The following ZNF550 variants were observed in gnomAD, a reference collection of about 807,000 sequenced individuals.
The protein encoded by ZNF550 is zinc finger protein 550.
In ZNF550, 42 loss-of-function variants were observed where a neutral mutation model predicts 40.2. The ratio of observed to expected loss-of-function variants is 1.05; its 90% CI spans 0.82 to 1.35. The LOEUF (loss-of-function observed/expected upper bound fraction) is 1.35, where lower values mean the gene tolerates loss of function less well. Ranked by LOEUF, ZNF550 falls within the 40% of genes most tolerant of loss-of-function variation. The probability of loss-of-function intolerance (pLI) is 0.00; values close to 1 mark genes in which losing one functional copy is unlikely to be tolerated. For missense variants in ZNF550, 549 were observed against 525.2 expected (o/e 1.05, Z -0.44); for synonymous variants, 223 against 198.6 (o/e 1.12, Z -1.03).
chr19:57,547,438 T>C, exon 4 of ZNF550: 1 of 1,613,956 alleles, frequency 6.2e-7, no homozygotes, highest in Non-Finnish European at 8.5e-7. Context: ...CGACCTGCGT[T>C]TGAAGGCCTT....
exon 4 of ZNF550, chr19:57,546,528 T>C (rs570235802): frequency 3.0e-6 from 3 of 991,740 alleles, no homozygotes; most frequent in South Asian, 9.1e-5. Flanking sequence ...TGGCTCTTTA[T>C]AGGACAAGCA....
chr19:57,552,312 A>C, intron 3 of ZNF550: 3 of 422,326 alleles, frequency 7.1e-6, no homozygotes, highest in Non-Finnish European at 1.3e-5. Context: ...GTTCTTGTCA[A>C]GACTATGTGG....
chr19:57,558,961 G>C (rs964798937), intron 1 of ZNF550, among the ~76,000 whole-genome samples: 29 of 152,154 alleles, frequency 1.9e-4, no homozygotes, highest in African/African-American at 5.8e-4. Context: ...GCAACCCAGC[G>C]TCCCTTGCCC....
chr19:57,556,644 A>C (rs1179312259), intron 1 of ZNF550: 1 of 292,634 alleles, frequency 3.4e-6, no homozygotes, highest in Admixed American at 4.8e-5. Context: ...CTGGCATATT[A>C]AAAGAATGGA....
chr19:57,552,374 C>G (rs1324267962), intron 3 of ZNF550: 27 of 477,730 alleles, frequency 5.7e-5, no homozygotes, highest in Non-Finnish European at 3.7e-6. Flanking sequence ...TTCTTGTTCC[C>G]CTTCTACCAG....
At position 57,543,238 on chromosome 19, in the gene ZNF550, G is replaced by A. The variant is rs148458185; in HGVS notation, c.*524C>T. The A allele has an allele frequency of 2.7e-4, 255 of 951,424 alleles. No individual in the cohort carries two copies. In the African/African-American group the frequency reaches 4.4e-3, roughly 16 times the overall value. 58.9% of individuals were successfully genotyped at this position (951,424 alleles called of 1,614,324 possible). Reference sequence around the variant, plus strand: ...AAATTTCTCTTTTCAACCTTAAGCAGTTTTTCTGAAATTATAAAATTTACT... The same window carrying A: ...AAATTTCTCTTTTCAACCTTAAGCAATTTTTCTGAAATTATAAAATTTACT... On this transcript the variant is annotated 3_prime_UTR_variant, in exon 5 of 5. Coordinates refer to ENST00000457177, the Ensembl canonical transcript of ZNF550.
intron 1 of ZNF550, 133 bp from the exon 2 acceptor site, chr19:57,556,490 C>T (rs921329210): frequency 2.3e-5 from 27 of 1,166,524 alleles, no homozygotes; most frequent in Non-Finnish European, 2.7e-5. Flanking sequence ...GGCTGACTTC[C>T]GTGCAGGGCT....
chr19:57,543,753 T>G (rs2089982640), intron 4 of ZNF550: 2 of 446,334 alleles, frequency 4.5e-6, no homozygotes, highest in African/African-American at 4.3e-5. Flanking sequence ...CTGGCCAACA[T>G]GGTGAAACCC....
exon 5 of ZNF550, chr19:57,542,153 AC>A (rs2089965424): frequency 6.6e-6 from 1 of 151,982 alleles, no homozygotes; most frequent in Non-Finnish European, 1.5e-5. Context: ...TATGAGAAAT[AC>A]CAGATATATT....
intron 3 of ZNF550, among the ~76,000 whole-genome samples, chr19:57,550,856 T>C (rs1303957304): frequency 6.6e-6 from 1 of 152,194 alleles, no homozygotes; most frequent in Non-Finnish European, 1.5e-5. Context: ...CTTCCAAACA[T>C]GAGACAACTC....
At chr19:57,551,353 T>C (rs532149079) in intron 3 of ZNF550, among the ~76,000 whole-genome samples, 1 of 152,166 alleles carries the variant, frequency 6.6e-6, no homozygotes, top group East Asian at 1.9e-4. Flanking sequence ...CCCAGAGGAA[T>C]GGGGCAGATG....
At chr19:57,547,745 C>A (rs1262960954) in exon 4 of ZNF550, 1 of 1,614,120 alleles carries the variant, frequency 6.2e-7, no homozygotes, top group Admixed American at 1.7e-5. Context: ...GAGTGCAGAC[C>A]ATCATCTGTC....
intron 1 of ZNF550, among the ~76,000 whole-genome samples, chr19:57,559,300 C>G (rs954780374): frequency 1.2e-4 from 18 of 152,056 alleles, no homozygotes; most frequent in African/African-American, 4.1e-4. Context: ...ACTTTGCGCG[C>G]GCAAAAATGA....
At chr19:57,542,016 A>C (rs1275437929) in exon 5 of ZNF550, 1 of 152,136 alleles carries the variant, frequency 6.6e-6, no homozygotes, top group Non-Finnish European at 1.5e-5. Flanking sequence ...ACCCCACCAT[A>C]AACAAAATAC....
chr19:57,550,017 C>G (rs2090058907), intron 3 of ZNF550, among the ~76,000 whole-genome samples: 1 of 152,162 alleles, frequency 6.6e-6, no homozygotes, highest in South Asian at 2.1e-4. Context: ...GTTCTTGATG[C>G]AGCGCAAGTG....
intron 2 of ZNF550, chr19:57,555,414 CT>C (rs1399482721): frequency 2.0e-5 from 3 of 152,602 alleles, no homozygotes; most frequent in African/African-American, 7.2e-5. Context: ...TGTTGGCTCA[CT>C]GCAACCTCCG....
chr19:57,547,377 A>G lies in ZNF550; in HGVS notation c.867T>C (p.Cys289=), dbSNP rs774905364. 1.9e-6 allele frequency: 3 copies of G among 1,610,848 alleles called. No homozygotes were observed. The South Asian group carries it at 3.3e-5, about 18-fold the overall frequency. Residue 289 remains cysteine, a synonymous_variant, in exon 4 of 5, where the codon TGT becomes TGC. Coordinates refer to ENST00000457177, the Ensembl canonical transcript of ZNF550. ...GGGTGAAGGCCTTTCGACATTGACT[A>G]CACTCATAGGGTTTCTCTCCAGTGT...
At chr19:57,557,615 T>C (rs988088727) in intron 1 of ZNF550, 1 of 152,162 alleles carries the variant, frequency 6.6e-6, no homozygotes, top group Non-Finnish European at 1.5e-5. Flanking sequence ...CTCTATACTT[T>C]GTCTCTGTGT....
At chr19:57,544,332 C>G (rs893526222) in intron 4 of ZNF550, 2 of 985,322 alleles carry the variant, frequency 2.0e-6, no homozygotes, top group South Asian at 9.4e-5. Flanking sequence ...CCTAGGGTGT[C>G]CTTTATCCCA....
Sources: gnomAD v4.1 joint callset for allele counts (sites outside exome capture counted in the v4.1 genomes callset) on GRCh38, gnomAD v4.1.1 for gene constraint, MANE v1.5 for transcripts, NCBI Gene and HGNC (gene_info 2026-07-23, HGNC 2026-07-21) for gene names.